Variants in VASH1 observed in about 807,000 individuals in gnomAD.
VASH1 encodes the protein tubulinyl-Tyr carboxypeptidase 1.
A neutral mutation model predicts 35.0 loss-of-function variants in VASH1; 16 were observed. That is an observed-to-expected ratio of 0.46 (90% confidence interval 0.31 to 0.70). The LOEUF is 0.70. Ranked by LOEUF, VASH1 falls within the 30% of genes least tolerant of loss-of-function variation. The pLI, the probability that VASH1 is intolerant of heterozygous loss-of-function variation, is 0.05. For synonymous variants in VASH1, 214 were observed against 200.9 expected, an observed-to-expected ratio of 1.07 and a Z score of -0.55; for missense variants, 505 against 510.7, an observed-to-expected ratio of 0.99 and a Z score of 0.11.
chr14:76,774,320 G>A (rs1410205517), intron 4 of VASH1: 1 of 152,244 alleles, frequency 6.6e-6, no homozygotes. Flanking sequence ...CGACATCCCT[G>A]CCCTGTTTAT....
intron 5 of VASH1, among the ~76,000 whole-genome samples, chr14:76,777,324 C>G (rs10147682): frequency 0.73 from 110,384 of 152,156 alleles, 40,437 homozygotes; most frequent in African/African-American, 0.8. Context: ...GGCTCTTGCT[C>G]CTCAGTTTGC....
chr14:76,777,828 G>T, intron 5 of VASH1, 131 bp from the exon 6 acceptor site: 1 of 571,154 alleles, frequency 1.8e-6, no homozygotes. Flanking sequence ...GATCCAGACA[G>T]GGAAGAGCCA....
Position 76,773,235 on chromosome 14 carries a change from A to G in VASH1, c.530+24A>G, listed in dbSNP as rs779626991. 28 of 1,613,008 alleles carry G rather than the reference A, an allele frequency of 1.7e-5. No homozygotes were observed. The East Asian group carries it at 5.6e-4, about 32-fold the overall frequency. Reference sequence around the variant, plus strand: ...ATGTATCCTTCCTCACCTGAAGGGGAGGGGTCCGGGCTTCTCTGGGCCTCA... The same window carrying G: ...ATGTATCCTTCCTCACCTGAAGGGGGGGGGTCCGGGCTTCTCTGGGCCTCA... On this transcript the variant is annotated intron_variant, in intron 4 of 6. Coordinates refer to ENST00000167106, the MANE Select transcript of VASH1 (RefSeq NM_014909.5).
At chr14:76,770,370 A>ATT (rs1893760341) in intron 2 of VASH1, among the ~76,000 whole-genome samples, 1 of 1,826 alleles carries the variant, frequency 5.5e-4, no homozygotes, top group East Asian at 0.023. Flanking sequence ...GTCTAGATAG[A>ATT]TCTGCTCTGT....
At chr14:76,763,646 A>G (rs960019221) in intron 1 of VASH1, among the ~76,000 whole-genome samples, 2 of 152,232 alleles carry the variant, frequency 1.3e-5, no homozygotes, top group South Asian at 2.1e-4. Context: ...CACAGCCAGT[A>G]AGTGGCAGAA....
At chr14:76,764,781 G>A (rs746396945) in intron 1 of VASH1, among the ~76,000 whole-genome samples, 3 of 151,556 alleles carry the variant, frequency 2.0e-5, no homozygotes, top group Non-Finnish European at 2.9e-5. Flanking sequence ...CACCTCCCTG[G>A]TTCAAGTGAT....
At chr14:76,776,321 G>A (rs965258160) in intron 5 of VASH1, 48 bp downstream of exon 5, 34 of 1,480,108 alleles carry the variant, frequency 2.3e-5, no homozygotes, top group Middle Eastern at 2.4e-4. Flanking sequence ...CCCCTCCCCC[G>A]CCCCAGCAGA....
intron 1 of VASH1, among the ~76,000 whole-genome samples, chr14:76,768,700 AAGG>A (rs3837650): frequency 0.026 from 3,883 of 152,168 alleles, 124 homozygotes; most frequent in East Asian, 0.15. Context: ...CTCCCCAGGA[AAGG>A]AGGAAAAGAG....
In VASH1 at chr14:76,778,037, A is replaced by G; in HGVS notation, c.991A>G (p.Ser331Gly). 6.6e-7 allele frequency: 1 copy of G among 1,526,378 alleles called. No individual in the cohort carries two copies. Among genetic ancestry groups the G allele is most frequent in the Non-Finnish European group, 8.8e-7 (1 of 1,137,320 alleles). The allele number at this position is 1,526,378 out of a possible 1,614,324, so 94.6% of individuals were successfully genotyped here. ...TTCTTCCCCGCAGCGGGCCCAGTCC[A>G]GCCCCCACCGCAGGAACAGCCGCAG... Reference protein sequence around the residue: ...DVSSPQRAQSSPHRRNSRSER... With the variant: ...DVSSPQRAQSGPHRRNSRSER... The change falls in exon 6 of 7, where the codon AGC becomes GGC. Residue 331 changes from serine (S) to glycine (G), a missense_variant. Transcript: ENST00000167106.
rs1893506105 is a variant in VASH1, at chr14:76,761,595, G to A, written c.-1227G>A. Among the ~76,000 whole-genome samples the A allele has an allele frequency of 6.6e-6, 1 of 152,004 alleles. No homozygotes were observed. Among genetic ancestry groups the A allele is most frequent in the Non-Finnish European group, 1.5e-5 (1 of 67,958 alleles). ...TCGCCGAGCAGCGATCGGCTGGTGG[G>A]CTTCTCGTTGGCGGGCTCCGCGTTG... On this transcript the variant is annotated 5_prime_UTR_variant, in exon 1 of 7. Transcript: ENST00000167106.
Position 76,782,035 on chromosome 14 carries a change from A to C in VASH1, c.*3017A>C, listed in dbSNP as rs550194838. 1 of 152,444 alleles carries C rather than the reference A, an allele frequency of 6.6e-6. No individual in the cohort carries two copies. Among genetic ancestry groups the C allele is most frequent in the Admixed American group, 6.5e-5 (1 of 15,304 alleles). 9.4% of individuals were successfully genotyped at this position (152,444 alleles called of 1,614,324 possible). ...GCTGAGGAGGGGTCAAGGTGAGTTC[A>C]AGAAAGCTACCTGTGGAAAATGGAC... On this transcript the variant is annotated 3_prime_UTR_variant, in exon 7 of 7. Transcript: ENST00000167106.
chr14:76,776,029 G>C lies in VASH1; in HGVS notation c.668G>C (p.Arg223Pro). ...GRYGALGMSR[R>P]EDLMYKPPAF... is the part of the protein sequence containing the mutation. ...TACGGTGCGCTGGGCATGAGTCGGC[G>C]CGAGGACCTGATGTACAAGCCGCCC... The change falls in exon 5 of 7, where the codon CGC (arginine) becomes CCC (proline). Residue 223 changes from arginine to proline, a missense_variant. Coordinates refer to ENST00000167106, the MANE Select transcript of VASH1 (RefSeq NM_014909.5). The C allele has an allele frequency of 6.2e-7, 1 of 1,612,230 alleles. No individual in the cohort carries two copies. Among genetic ancestry groups the C allele is most frequent in the Middle Eastern group, 1.7e-4 (1 of 6,058 alleles).
intron 3 of VASH1, among the ~76,000 whole-genome samples, chr14:76,772,757 G>A (rs969476428): frequency 5.9e-5 from 9 of 152,244 alleles, no homozygotes; most frequent in Non-Finnish European, 1.0e-4. Context: ...AGAGATCGAT[G>A]CTGACGTCCC....
At chr14:76,766,230 A>G (rs1392994023) in intron 1 of VASH1, among the ~76,000 whole-genome samples, 11 of 152,194 alleles carry the variant, frequency 7.2e-5, no homozygotes. Flanking sequence ...ATTTCTAGAA[A>G]GATCCCAAAT....
chr14:76,763,264 T>C (rs1289536150), intron 1 of VASH1, 134 bp downstream of exon 1: 5 of 933,768 alleles, frequency 5.4e-6, no homozygotes, highest in Non-Finnish European at 7.2e-6. Context: ...TGCAGTGATA[T>C]CATACCTGTC....
At chr14:76,769,940 C>A in intron 1 of VASH1, 23 bp from the exon 2 acceptor site, 1 of 1,611,276 alleles carries the variant, frequency 6.2e-7, no homozygotes, top group South Asian at 1.1e-5. Flanking sequence ...TTCTTGTGAC[C>A]GGAGCTCTTT....
intron 4 of VASH1, 82 bp from the exon 5 acceptor site, chr14:76,775,810 C>A: frequency 6.8e-7 from 1 of 1,470,106 alleles, no homozygotes; most frequent in South Asian, 1.4e-5. Context: ...GTGCGTGGAC[C>A]CCGTGGCTCC....
intron 1 of VASH1, among the ~76,000 whole-genome samples, chr14:76,766,523 C>A (rs1273992010): frequency 6.6e-6 from 1 of 152,252 alleles, no homozygotes; most frequent in African/African-American, 2.4e-5. Flanking sequence ...TCACAGCAGC[C>A]TCTACCTTCT....
chr14:76,779,220 G>A lies in VASH1; in HGVS notation c.*202G>A. On this transcript the variant is annotated 3_prime_UTR_variant, in exon 7 of 7. Transcript: ENST00000167106. The stretch of plus-strand genomic sequence containing the variant: ...CTAACTTTGGGCCTAGAGGCCGTTA[G>A]TATTTTATTTGGAGTTTTTAACTCT... The A allele has an allele frequency of 1.4e-6, 1 of 693,388 alleles. No homozygotes were observed. Among genetic ancestry groups the A allele is most frequent in the Non-Finnish European group, 2.6e-6 (1 of 385,020 alleles). 43.0% of individuals were successfully genotyped at this position (693,388 alleles called of 1,614,324 possible).
Sources: gnomAD v4.1 joint callset for allele counts (sites outside exome capture counted in the v4.1 genomes callset) on GRCh38, gnomAD v4.1.1 for gene constraint, MANE v1.5 for transcripts, NCBI Gene and HGNC (gene_info 2026-07-23, HGNC 2026-07-21) for gene names.